The following TNFAIP2 variants were observed in gnomAD, a reference collection of about 807,000 sequenced individuals.
The protein encoded by TNFAIP2 is tumor necrosis factor alpha-induced protein 2.
Under a neutral mutation model 63.5 loss-of-function variants are expected in TNFAIP2, and 47 were observed. The ratio of observed to expected loss-of-function variants is 0.74; its 90% CI spans 0.59 to 0.94. TNFAIP2 has a LOEUF of 0.94. TNFAIP2 is among the 40% of genes least tolerant of loss of function. The probability of loss-of-function intolerance (pLI) is 0.00; values close to 1 mark genes in which losing one functional copy is unlikely to be tolerated. For missense variants in TNFAIP2, 787 were observed against 850.2 expected (o/e 0.93, Z 0.92); for synonymous variants, 405 against 390.2 (o/e 1.04, Z -0.45).
In TNFAIP2 at chr14:103,126,535, G is replaced by A. The variant is rs1180039346; in HGVS notation, c.78G>A (p.Ala26=). 2.5e-6 allele frequency: 4 copies of A among 1,577,500 alleles called. No individual in the cohort carries two copies. Among genetic ancestry groups the A allele is most frequent in the East Asian group, 2.3e-5 (1 of 42,968 alleles). ...GAAPYREEEE[A]AKKKKEKKKK... is the part of the protein sequence containing the mutation. ...CCCCATATAGGGAGGAGGAAGAGGCGGCGAAGAAGAAGAAGGAGAAGAAGA... is the reference window on the plus strand; with the variant it reads ...CCCCATATAGGGAGGAGGAAGAGGCAGCGAAGAAGAAGAAGGAGAAGAAGA... Residue 26 remains alanine (A), a synonymous_variant, in exon 2 of 12, where the codon GCG becomes GCA. Coordinates refer to ENST00000560869, the MANE Select transcript of TNFAIP2 (RefSeq NM_006291.4).
At chr14:103,133,114 A>G (rs1253138533) in intron 9 of TNFAIP2, among the ~76,000 whole-genome samples, 1 of 151,924 alleles carries the variant, frequency 6.6e-6, no homozygotes, top group Non-Finnish European at 1.5e-5. Context: ...ATGCACACAT[A>G]TGAACACACG....
At position 103,126,990 on chromosome 14, in the gene TNFAIP2, G is replaced by C. The variant is rs2087867730; in HGVS notation, c.236-15G>C. The C allele has an allele frequency of 3.3e-6, 4 of 1,222,822 alleles. No individual in the cohort carries two copies. The highest frequency in any genetic ancestry group is 4.1e-6 in the Non-Finnish European group (4 of 979,568). 75.7% of individuals were successfully genotyped at this position (1,222,822 alleles called of 1,614,324 possible). A position where few individuals can be genotyped will look rare whatever the true frequency, so the allele number is the denominator to read the frequency against. On this transcript the variant is annotated splice_polypyrimidine_tract_variant and intron_variant, in intron 2 of 11. Transcript: ENST00000560869. ...GTGGGCTGGGGCCGGGGCTGACGCGGCTTTCCCGGCGCAGTGGAGGAGCTG... is the reference window on the plus strand; with the variant it reads ...GTGGGCTGGGGCCGGGGCTGACGCGCCTTTCCCGGCGCAGTGGAGGAGCTG...
chr14:103,128,188 A>C (rs1468585413), intron 3 of TNFAIP2, among the ~76,000 whole-genome samples: 3 of 152,156 alleles, frequency 2.0e-5, no homozygotes, highest in Admixed American at 6.5e-5. Context: ...GGTGCTCCTG[A>C]GCATGTCCTC....
In TNFAIP2 at chr14:103,132,579, GTGAGCAGGGACC is replaced by G. The variant is rs544626717; in HGVS notation, c.1423-166_1423-155del. The G allele has an allele frequency of 1.2e-3, 1,145 of 942,214 alleles. 2 individuals are homozygous for G. The highest frequency in any genetic ancestry group is 1.9e-3 in the Middle Eastern group (9 of 4,676). The allele number at this position is 942,214 out of a possible 1,614,324, so 58.4% of individuals were successfully genotyped here. On this transcript the variant is annotated intron_variant, in intron 8 of 11. Transcript: ENST00000560869. ...CAGAGCCGGCTCCCACTTCCTGTCT[GTGAGCAGGGACC>G]TGAGGTTGGCCCGGGTTCCCTGGGA...
In TNFAIP2 at chr14:103,126,454, C is replaced by T. The variant is rs1392577238; in HGVS notation, c.-4C>T. The T allele has an allele frequency of 6.3e-7, 1 of 1,578,586 alleles. No homozygotes were observed. The highest frequency in any genetic ancestry group is 2.3e-5 in the East Asian group (1 of 43,846). On this transcript the variant is annotated 5_prime_UTR_variant, in exon 2 of 12. Coordinates refer to ENST00000560869, the MANE Select transcript of TNFAIP2 (RefSeq NM_006291.4). Reference sequence around the variant, plus strand: ...CCACATCAGAGGCAGAGTCAGAGGCCTCCATGTCGGAGGCCTCCTCTGAGG... The same window carrying T: ...CCACATCAGAGGCAGAGTCAGAGGCTTCCATGTCGGAGGCCTCCTCTGAGG...
At chr14:103,126,844 T>TGGGAGGCC in intron 2 of TNFAIP2, 152 bp downstream of exon 2, 1 of 1,334,728 alleles carries the variant, frequency 7.5e-7, no homozygotes. Context: ...TCTGGGGGGC[T>TGGGAGGCC]GGGAGGCCTT....
chr14:103,121,644 T>C (rs998183878), upstream of TNFAIP2, among the ~76,000 whole-genome samples: 1 of 152,204 alleles, frequency 6.6e-6, no homozygotes, highest in African/African-American at 2.4e-5. Flanking sequence ...AGAGGGGAAG[T>C]GACTGGTGCA....
At chr14:103,121,493 G>A (rs113162985), upstream of TNFAIP2, among the ~76,000 whole-genome samples, 10 of 152,392 alleles carry the variant, frequency 6.6e-5, no homozygotes, top group Non-Finnish European at 1.3e-4. Flanking sequence ...GCATCTGCGA[G>A]AAGAGGGTAA....
intron 10 of TNFAIP2, 70 bp from the exon 11 acceptor site, chr14:103,133,612 C>T: frequency 6.4e-7 from 1 of 1,559,752 alleles, no homozygotes; most frequent in Non-Finnish European, 8.7e-7. Flanking sequence ...TGGTGCCTCT[C>T]TAAGCCCAAC....
rs2087973098 is a variant in TNFAIP2, at chr14:103,131,554, T to A, written c.1299-85T>A. On this transcript the variant is annotated intron_variant, in intron 7 of 11. Coordinates refer to ENST00000560869, the MANE Select transcript of TNFAIP2 (RefSeq NM_006291.4). This position sits in a 1 kb window ranked among gnomAD's most constrained non-coding sequence, Gnocchi z 4.0. ...TGGGGAGCCATTGAGGGTTCTAGAGTGAAGAGAGGGGGCTGTCTGGCTCCC... is the reference window on the plus strand; with the variant it reads ...TGGGGAGCCATTGAGGGTTCTAGAGAGAAGAGAGGGGGCTGTCTGGCTCCC... 1 of 1,472,350 alleles carries A rather than the reference T, an allele frequency of 6.8e-7. No homozygotes were observed. The highest frequency in any genetic ancestry group is 1.4e-5 in the African/African-American group (1 of 71,080). The allele number at this position is 1,472,350 out of a possible 1,614,324, so 91.2% of individuals were successfully genotyped here.
intron 8 of TNFAIP2, 175 bp from the exon 9 acceptor site, chr14:103,132,575 G>C: frequency 1.1e-6 from 1 of 911,874 alleles, no homozygotes; most frequent in Admixed American, 2.0e-5. Context: ...CCCACTTCCT[G>C]TCTGTGAGCA....
chr14:103,135,827 G>C lies in TNFAIP2; in HGVS notation c.*467G>C. ...TCTGCAGCCCAGGGCCGCCGTGAGC[G>C]GGATTCAGCAATGGTGGAATGGAAG... On this transcript the variant is annotated 3_prime_UTR_variant, in exon 12 of 12. Transcript: ENST00000560869. The surrounding 1 kb of genome is among the most constrained non-coding windows in gnomAD (Gnocchi z 7.6). The C allele has an allele frequency of 7.7e-7, 1 of 1,292,652 alleles. No homozygotes were observed. Among genetic ancestry groups the C allele is most frequent in the Non-Finnish European group, 1.0e-6 (1 of 991,112 alleles). The allele number at this position is 1,292,652 out of a possible 1,614,324, so 80.1% of individuals were successfully genotyped here. A position where few individuals can be genotyped will look rare whatever the true frequency, so the allele number is the denominator to read the frequency against.
chr14:103,130,125 G>T lies in TNFAIP2; in HGVS notation c.1098+1G>T. On this transcript the variant is annotated splice_donor_variant, in intron 5 of 11. Coordinates refer to ENST00000560869, the MANE Select transcript of TNFAIP2 (RefSeq NM_006291.4). LOFTEE classifies it high-confidence loss of function. ...CGAGCTGGCCATCGACATCATCCAG[G>T]TACTGCAATCTGCCCCAGGGCACAC... is the stretch of plus-strand genomic sequence containing the variant. 3 of 1,612,396 alleles carry T rather than the reference G, an allele frequency of 1.9e-6. No individual in the cohort carries two copies. Among genetic ancestry groups the T allele is most frequent in the South Asian group, 1.1e-5 (1 of 90,940 alleles).
rs1448751562 is a variant in TNFAIP2 at position 103,133,679 on chromosome 14, C to T, written c.1702-3C>T. 1.2e-5 allele frequency: 19 copies of T among 1,560,844 alleles called. No homozygotes were observed. The highest frequency in any genetic ancestry group is 1.6e-5 in the Non-Finnish European group (18 of 1,157,490). ...GTCCCTCCAACCACACCCACTCCTG[C>T]AGGGCTCCCCGGCGACCTGGCTGCA... On this transcript the variant is annotated splice_region_variant and splice_polypyrimidine_tract_variant and intron_variant, in intron 10 of 11. Coordinates refer to ENST00000560869, the MANE Select transcript of TNFAIP2 (RefSeq NM_006291.4).
chr14:103,131,639 G>A lies in TNFAIP2; in HGVS notation c.1299G>A (p.Arg433=), dbSNP rs2087977467. 8.8e-6 allele frequency: 14 copies of A among 1,591,528 alleles called. No individual in the cohort carries two copies. Among genetic ancestry groups the A allele is most frequent in the Non-Finnish European group, 1.0e-5 (12 of 1,174,712 alleles). ...IANINNCLSF[R]MSMEQNWQVP... Reference sequence around the variant, plus strand: ...TGACCTCTCTGCCTCCACCTTCCAGGATGTCCATGGAGCAGAATTGGCAGG... The same window carrying A: ...TGACCTCTCTGCCTCCACCTTCCAGAATGTCCATGGAGCAGAATTGGCAGG... The change falls in exon 8 of 12, where the codon CGG becomes CGA. Residue 433 remains arginine (R), a splice_region_variant and synonymous_variant. Transcript: ENST00000560869. The surrounding 1 kb of genome is among the most constrained non-coding windows in gnomAD (Gnocchi z 4.0).
Position 103,131,427 on chromosome 14 carries a change from C to T in TNFAIP2, c.1299-212C>T, listed in dbSNP as rs1368741104. Among the ~76,000 whole-genome samples the T allele has an allele frequency of 6.6e-6, 1 of 152,186 alleles. No individual in the cohort carries two copies. Among genetic ancestry groups the T allele is most frequent in the Non-Finnish European group, 1.5e-5 (1 of 68,038 alleles). On this transcript the variant is annotated intron_variant, in intron 7 of 11. Transcript: ENST00000560869. This position sits in a 1 kb window ranked among gnomAD's most constrained non-coding sequence, Gnocchi z 4.0. The stretch of plus-strand genomic sequence containing the variant: ...CTGTCTATTAGGCAGATGGGCAAAC[C>T]ACTGGAGGAGGCTCACTTGCCCCCA...
chr14:103,124,994 G>A lies in TNFAIP2; in HGVS notation c.-149+1043G>A, dbSNP rs529925135. Among the ~76,000 whole-genome samples, 647 of 152,346 alleles carry A rather than the reference G, an allele frequency of 4.2e-3. 2 individuals carry two copies. Among genetic ancestry groups the A allele is most frequent in the Middle Eastern group, 0.031 (9 of 294 alleles). On this transcript the variant is annotated intron_variant, in intron 1 of 11. Coordinates refer to ENST00000560869, the MANE Select transcript of TNFAIP2 (RefSeq NM_006291.4). Reference sequence around the variant, plus strand: ...GCTGGTGGAGGCAGCGGGGCCATGGGAAGAGTCGGATGGGCCCAGTCTGAG... The same window carrying A: ...GCTGGTGGAGGCAGCGGGGCCATGGAAAGAGTCGGATGGGCCCAGTCTGAG...
In TNFAIP2 at chr14:103,135,929, A is replaced by G; in HGVS notation, c.*569A>G. 1 of 1,289,820 alleles carries G rather than the reference A, an allele frequency of 7.8e-7. No homozygotes were observed. The highest frequency in any genetic ancestry group is 1.0e-6 in the Non-Finnish European group (1 of 989,114). The allele number at this position is 1,289,820 out of a possible 1,614,324, so 79.9% of individuals were successfully genotyped here. A position where few individuals can be genotyped will look rare whatever the true frequency, so the allele number is the denominator to read the frequency against. On this transcript the variant is annotated 3_prime_UTR_variant, in exon 12 of 12. Transcript: ENST00000560869. This position sits in a 1 kb window ranked among gnomAD's most constrained non-coding sequence, Gnocchi z 7.6. ...TTTTAGGGTCCTGTGGCGAGCTGTG[A>G]GCACCGCCAGCATTAGACGTCACAT... is the stretch of plus-strand genomic sequence containing the variant.
chr14:103,133,234 G>A (rs983830684), intron 9 of TNFAIP2, 128 bp from the exon 10 acceptor site: 10 of 1,206,186 alleles, frequency 8.3e-6, no homozygotes, highest in South Asian at 1.5e-5. Context: ...GTGGACGCAC[G>A]AGCACGTGTG....
Sources: allele counts gnomAD v4.1 joint callset (sites outside exome capture counted in the v4.1 genomes callset), GRCh38; gene constraint gnomAD v4.1.1; non-coding constraint Gnocchi (gnomAD v3.1); transcripts MANE v1.5; gene names NCBI Gene and HGNC (gene_info 2026-07-23, HGNC 2026-07-21).